Variants in RBM26 observed in about 807,000 individuals in gnomAD.
RBM26 encodes the protein RNA binding motif protein 26.
RBM26 carries 30 observed loss-of-function variants against 123.6 expected under a neutral mutation model. That is an observed-to-expected ratio of 0.24 (90% CI 0.18 to 0.33). RBM26 has a LOEUF of 0.33. Ranked by LOEUF, RBM26 falls within the 10% of genes least tolerant of loss-of-function variation. RBM26 has a pLI of 1.00. For missense variants in RBM26, 947 were observed against 1,203.6 expected (o/e 0.79, Z 3.15); for synonymous variants, 400 against 404.4 (o/e 0.99, Z 0.13).
intron 1 of RBM26, among the ~76,000 whole-genome samples, chr13:79,397,189 G>C (rs2078645087): frequency 6.6e-6 from 1 of 151,728 alleles, no homozygotes; most frequent in African/African-American, 2.4e-5. Context: ...TCAAAAAAAA[G>C]AAAAAGAAAT....
chr13:79,317,750 CA>C (rs2067282057), downstream of RBM26, among the ~76,000 whole-genome samples: 1 of 151,686 alleles, frequency 6.6e-6, no homozygotes, highest in African/African-American at 2.4e-5. Flanking sequence ...CTTGTAACCC[CA>C]CAAGTGACAA....
intron 16 of RBM26, 134 bp downstream of exon 16, chr13:79,344,114 A>C (rs976783918): frequency 5.4e-5 from 38 of 702,430 alleles, no homozygotes; most frequent in Middle Eastern, 3.7e-4. Context: ...TTCATCTCCA[A>C]TATTATCACT....
rs1374361623 is a variant in RBM26 at position 79,340,998 on chromosome 13, T to C, written c.2532+125A>G. ...CCTCTTTCCTATATTAACATCTCAA[T>C]ATGTATGCCAGGGATTACCAACAAT... is the stretch of plus-strand genomic sequence containing the variant. On this transcript the variant is annotated intron_variant, in intron 18 of 21. Coordinates refer to ENST00000438737, the MANE Select transcript of RBM26 (RefSeq NM_001366735.2). The C allele has an allele frequency of 2.4e-5, 13 of 537,418 alleles. No homozygotes were observed. In the East Asian group the frequency reaches 4.2e-4, roughly 17 times the overall value. 33.3% of individuals were successfully genotyped at this position (537,418 alleles called of 1,614,324 possible).
chr13:79,312,657 C>A (rs1006677989), exon 5 of RBM26: 6 of 152,118 alleles, frequency 3.9e-5, no homozygotes, highest in African/African-American at 1.4e-4. Flanking sequence ...TAACTGCCTT[C>A]CTCTTAACAA....
At chr13:79,349,530 A>C (rs2072875531) in intron 14 of RBM26, among the ~76,000 whole-genome samples, 1 of 152,212 alleles carries the variant, frequency 6.6e-6, no homozygotes, top group Non-Finnish European at 1.5e-5. Flanking sequence ...TTTGCTACAC[A>C]AATAGCTTAG....
At chr13:79,375,076 T>TTA (rs2076527314) in intron 3 of RBM26, among the ~76,000 whole-genome samples, 7 of 102,024 alleles carry the variant, frequency 6.9e-5, no homozygotes, top group South Asian at 2.9e-4. Context: ...TATATTTATA[T>TTA]GATATATATA....
At chr13:79,315,450 C>T (rs1051777321), downstream of RBM26, among the ~76,000 whole-genome samples, 2 of 151,730 alleles carry the variant, frequency 1.3e-5, no homozygotes, top group Non-Finnish European at 3.0e-5. Flanking sequence ...ATATGATAAT[C>T]ACTTCATTTG....
At chr13:79,398,200 CAAG>C (rs1566604681) in intron 1 of RBM26, among the ~76,000 whole-genome samples, 2 of 152,066 alleles carry the variant, frequency 1.3e-5, no homozygotes, top group African/African-American at 4.8e-5. Flanking sequence ...ACAAAGGAAG[CAAG>C]AAGAGGGAAA....
chr13:79,392,293 ATAAT>A (rs1332117180), intron 1 of RBM26, among the ~76,000 whole-genome samples: 2 of 139,282 alleles, frequency 1.4e-5, no homozygotes, highest in African/African-American at 2.6e-5. Flanking sequence ...TATAAAATAT[ATAAT>A]TAATTGTATA....
chr13:79,337,909 T>A (rs1594070816), intron 18 of RBM26, among the ~76,000 whole-genome samples: 1 of 152,254 alleles, frequency 6.6e-6, no homozygotes, highest in South Asian at 2.1e-4. Context: ...GTCGTAAGTG[T>A]AAAGAAGCAT....
chr13:79,391,964 TTATTA>T (rs993410929), intron 1 of RBM26, among the ~76,000 whole-genome samples: 1 of 145,646 alleles, frequency 6.9e-6, no homozygotes, highest in African/African-American at 2.5e-5. Context: ...GAATACATAA[TTATTA>T]TATAATTATA....
At position 79,359,625 on chromosome 13, in the gene RBM26, G is replaced by T; in HGVS notation, c.1479C>A (p.Thr493=). 1 of 1,598,858 alleles carries T rather than the reference G, an allele frequency of 6.3e-7. No homozygotes were observed. Among genetic ancestry groups the T allele is most frequent in the Non-Finnish European group, 8.5e-7 (1 of 1,173,696 alleles). ...IVVDSESRKR[T]IGSGEPGVPT... ...GAACTCCAGGCTCTCCAGAACCAAT[G>T]GTTCTTTTCCTTGATTCTGAGTCCA... Residue 493 remains threonine (T), a synonymous_variant, in exon 10 of 22, where the codon ACC becomes ACA. Coordinates refer to ENST00000438737, the MANE Select transcript of RBM26 (RefSeq NM_001366735.2).
At chr13:79,398,487 C>T (rs1329364232) in intron 1 of RBM26, among the ~76,000 whole-genome samples, 1 of 152,058 alleles carries the variant, frequency 6.6e-6, no homozygotes, top group Non-Finnish European at 1.5e-5. Flanking sequence ...TTATGAAAGT[C>T]AATTTATCAC....
chr13:79,353,269 T>C lies in RBM26; in HGVS notation c.1987-45A>G, dbSNP rs915824502. The C allele has an allele frequency of 2.1e-5, 24 of 1,135,964 alleles. No homozygotes were observed. In the African/African-American group the frequency reaches 3.4e-4, roughly 16 times the overall value. 70.4% of individuals were successfully genotyped at this position (1,135,964 alleles called of 1,614,324 possible). A position where few individuals can be genotyped will look rare whatever the true frequency, so the allele number is the denominator to read the frequency against. The stretch of plus-strand genomic sequence containing the variant: ...CATATTCAGTGTTTCCCCAAACATA[T>C]AAAAGTCTGTTGGGATCTTGAACAT... On this transcript the variant is annotated intron_variant, in intron 13 of 21. Coordinates refer to ENST00000438737, the MANE Select transcript of RBM26 (RefSeq NM_001366735.2).
chr13:79,377,263 T>G, intron 3 of RBM26, 116 bp downstream of exon 3: 1 of 780,664 alleles, frequency 1.3e-6, no homozygotes, highest in Non-Finnish European at 2.1e-6. Flanking sequence ...GAAAAATCAT[T>G]TAAACTGGGA....
Position 79,319,792 on chromosome 13 carries a change from A to G in RBM26, c.*829T>C. ...TTGGATTGTACATTATTGTAAGGGT[A>G]CCAGTAACCATTATTATTAAGAATA... On this transcript the variant is annotated 3_prime_UTR_variant, in exon 22 of 22. Transcript: ENST00000438737. 1 of 977,060 alleles carries G rather than the reference A, an allele frequency of 1.0e-6. No individual in the cohort carries two copies. Among genetic ancestry groups the G allele is most frequent in the South Asian group, 4.7e-5 (1 of 21,162 alleles). The allele number at this position is 977,060 out of a possible 1,614,324, so 60.5% of individuals were successfully genotyped here. A position where few individuals can be genotyped will look rare whatever the true frequency, so the allele number is the denominator to read the frequency against.
chr13:79,328,060 C>CTTAG (rs2068709951), intron 20 of RBM26, among the ~76,000 whole-genome samples: 1 of 152,088 alleles, frequency 6.6e-6, no homozygotes, highest in Non-Finnish European at 1.5e-5. Flanking sequence ...TAGAGGAAGA[C>CTTAG]TTAGCATTTG....
intron 4 of RBM26, 40 bp downstream of exon 4, chr13:79,371,802 T>G (rs1257631603): frequency 7.4e-7 from 1 of 1,351,728 alleles, no homozygotes; most frequent in East Asian, 2.3e-5. Context: ...AAAAGATAAC[T>G]TACATCGAAA....
chr13:79,326,826 C>A (rs1349555180), intron 20 of RBM26, among the ~76,000 whole-genome samples: 1 of 151,318 alleles, frequency 6.6e-6, no homozygotes, highest in Non-Finnish European at 1.5e-5. Context: ...TTTTGAAAAT[C>A]ATTTTAAAAA....
Sources: gnomAD v4.1 joint callset for allele counts (sites outside exome capture counted in the v4.1 genomes callset) on GRCh38, gnomAD v4.1.1 for gene constraint, MANE v1.5 for transcripts, NCBI Gene and HGNC (gene_info 2026-07-23, HGNC 2026-07-21) for gene names.